MTX2: variants seen among roughly 807,000 people sequenced by gnomAD.
The protein encoded by MTX2 is metaxin-2.
A neutral mutation model predicts 42.3 loss-of-function variants in MTX2; 35 were observed. The ratio of observed to expected loss-of-function variants is 0.83; its 90% CI spans 0.63 to 1.10. The LOEUF (loss-of-function observed/expected upper bound fraction) is 1.10, where lower values mean the gene tolerates loss of function less well. Ranked by LOEUF, MTX2 falls within the 50% of genes least tolerant of loss-of-function variation. The pLI, the probability that MTX2 is intolerant of heterozygous loss-of-function variation, is 0.00. For synonymous variants in MTX2, 119 were observed against 100.9 expected (o/e 1.18, Z -1.08); for missense variants, 307 against 304.1 (o/e 1.01, Z -0.07).
At chr2:176,315,328 G>T (rs1684410375) in intron 3 of MTX2, among the ~76,000 whole-genome samples, 2 of 152,118 alleles carry the variant, frequency 1.3e-5, no homozygotes, top group Non-Finnish European at 2.9e-5. Context: ...GTTTATGCCA[G>T]AAATTTTTAG....
chr2:176,271,797 A>G (rs1356374653), intron 1 of MTX2, among the ~76,000 whole-genome samples: 1 of 152,212 alleles, frequency 6.6e-6, no homozygotes, highest in African/African-American at 2.4e-5. Context: ...TTAAAGAAAT[A>G]CACAATGATA....
chr2:176,321,951 A>G (rs1041491197), intron 3 of MTX2, among the ~76,000 whole-genome samples: 6 of 152,108 alleles, frequency 3.9e-5, no homozygotes, highest in African/African-American at 1.2e-4. Context: ...GAATTGTGGG[A>G]AAATGAGGGA....
At chr2:176,278,964 C>A (rs1360447541) in intron 1 of MTX2, among the ~76,000 whole-genome samples, 1 of 151,948 alleles carries the variant, frequency 6.6e-6, no homozygotes, top group African/African-American at 2.4e-5. Context: ...TTTTTTACAT[C>A]AGTAATAAAA....
intron 3 of MTX2, among the ~76,000 whole-genome samples, chr2:176,298,974 A>G (rs950649152): frequency 6.6e-6 from 1 of 152,046 alleles, no homozygotes; most frequent in Non-Finnish European, 1.5e-5. Context: ...AGCTATCGGG[A>G]TCCCCTAGGA....
intron 3 of MTX2, among the ~76,000 whole-genome samples, chr2:176,298,971 G>A (rs533580795): frequency 3.9e-5 from 6 of 152,080 alleles, no homozygotes; most frequent in African/African-American, 1.4e-4. Flanking sequence ...TGAAGCTATC[G>A]GGATCCCCTA....
In MTX2 at chr2:176,269,596, G is replaced by A; in HGVS notation, c.-34G>A. On this transcript the variant is annotated 5_prime_UTR_variant, in exon 1 of 10. Coordinates refer to ENST00000249442, the MANE Select transcript of MTX2 (RefSeq NM_006554.5). ...GTGGAGGACGCTGAGGCCCGTGGGG[G>A]GCAGGCACCCGGGCGCCGGGCCTCC... 6.4e-7 allele frequency: 1 copy of A among 1,567,520 alleles called. No homozygotes were observed. Among genetic ancestry groups the A allele is most frequent in the Non-Finnish European group, 8.6e-7 (1 of 1,160,772 alleles).
At chr2:176,327,237 TCTGG>T (rs1179616800) in intron 5 of MTX2, among the ~76,000 whole-genome samples, 1 of 151,254 alleles carries the variant, frequency 6.6e-6, no homozygotes, top group East Asian at 1.9e-4. Flanking sequence ...TTTTGAAGTG[TCTGG>T]CTGACCTTTG....
At chr2:176,319,575 GTTTTGTT>G (rs1482809621) in intron 3 of MTX2, among the ~76,000 whole-genome samples, 2 of 150,718 alleles carry the variant, frequency 1.3e-5, no homozygotes, top group African/African-American at 2.4e-5. Context: ...TGTTTGTTTT[GTTTTGTT>G]TTTTGTTTTT....
At chr2:176,272,118 A>G (rs112696120) in intron 1 of MTX2, among the ~76,000 whole-genome samples, 123 of 152,334 alleles carry the variant, frequency 8.1e-4, no homozygotes, top group African/African-American at 2.9e-3. Context: ...TCTGGAGGAC[A>G]TTATGCTAAA....
intron 4 of MTX2, among the ~76,000 whole-genome samples, chr2:176,325,768 A>AT (rs1013677900): frequency 5.3e-5 from 8 of 151,436 alleles, no homozygotes; most frequent in Non-Finnish European, 8.9e-5. Flanking sequence ...AGATAAAAAA[A>AT]TTTTTTTTTG....
chr2:176,279,554 A>G (rs2105397189), intron 1 of MTX2, among the ~76,000 whole-genome samples: 1 of 152,254 alleles, frequency 6.6e-6, no homozygotes, highest in Non-Finnish European at 1.5e-5. Flanking sequence ...CTTTATGAGA[A>G]ATACCATAAA....
chr2:176,269,693 A>T, intron 1 of MTX2, 24 bp downstream of exon 1: 1 of 1,586,482 alleles, frequency 6.3e-7, no homozygotes, highest in Non-Finnish European at 8.5e-7. Context: ...CCGCAGACCC[A>T]GAAGGTGGCG....
chr2:176,298,440 C>T (rs1250129119), intron 3 of MTX2, among the ~76,000 whole-genome samples: 1 of 152,002 alleles, frequency 6.6e-6, no homozygotes, highest in African/African-American at 2.4e-5. Flanking sequence ...AACAGCTCTT[C>T]AAGTTGTATA....
At chr2:176,279,794 A>C (rs1220756497) in intron 1 of MTX2, among the ~76,000 whole-genome samples, 1 of 152,096 alleles carries the variant, frequency 6.6e-6, no homozygotes, top group African/African-American at 2.4e-5. Context: ...ATCTACGTGC[A>C]CTGATTTTCT....
At chr2:176,273,231 A>G (rs887010000) in intron 1 of MTX2, among the ~76,000 whole-genome samples, 1 of 152,238 alleles carries the variant, frequency 6.6e-6, no homozygotes, top group East Asian at 1.9e-4. Flanking sequence ...TAATACTGTC[A>G]GAATGGTAAT....
At chr2:176,311,765 A>G (rs578122869) in intron 3 of MTX2, among the ~76,000 whole-genome samples, 2 of 152,334 alleles carry the variant, frequency 1.3e-5, no homozygotes, top group East Asian at 3.9e-4. Flanking sequence ...GGAAGAGCAC[A>G]GTATTTGGGT....
intron 3 of MTX2, among the ~76,000 whole-genome samples, chr2:176,306,803 A>G (rs1349839724): frequency 2.0e-5 from 3 of 152,038 alleles, no homozygotes; most frequent in Non-Finnish European, 4.4e-5. Context: ...GATTCTGGAT[A>G]TTAGCCCTTT....
intron 3 of MTX2, among the ~76,000 whole-genome samples, chr2:176,299,407 A>G (rs1451657437): frequency 1.3e-5 from 2 of 152,096 alleles, no homozygotes; most frequent in African/African-American, 2.4e-5. Flanking sequence ...GGGGGAAAAA[A>G]TAAATCTTAG....
intron 3 of MTX2, among the ~76,000 whole-genome samples, chr2:176,301,470 G>A (rs1197541932): frequency 6.6e-6 from 1 of 152,092 alleles, no homozygotes; most frequent in South Asian, 2.1e-4. Context: ...TATAAGGTAG[G>A]TATCATAAAT....
Sources: gnomAD v4.1 joint callset for allele counts (sites outside exome capture counted in the v4.1 genomes callset) on GRCh38, gnomAD v4.1.1 for gene constraint, MANE v1.5 for transcripts, NCBI Gene and HGNC (gene_info 2026-07-23, HGNC 2026-07-21) for gene names.